Variants in SNX24 observed in about 807,000 individuals in gnomAD.
SNX24 encodes sorting nexin 24, also known as sorting nexin-24.
In SNX24, 22 loss-of-function variants were observed where a neutral mutation model predicts 28.7. That is an observed-to-expected ratio of 0.77 (90% CI 0.55 to 1.10). The LOEUF is 1.10. SNX24 is among the 50% of genes least tolerant of loss of function. The probability of loss-of-function intolerance (pLI) is 0.00; values close to 1 mark genes in which losing one functional copy is unlikely to be tolerated. For synonymous variants in SNX24, 69 were observed against 71.5 expected (o/e 0.96, Z 0.18); for missense variants, 221 against 201.1 (o/e 1.10, Z -0.60).
intron 1 of SNX24, among the ~76,000 whole-genome samples, chr5:122,850,596 C>T (rs1340714655): frequency 2.0e-5 from 3 of 152,018 alleles, no homozygotes; most frequent in Non-Finnish European, 2.9e-5. Flanking sequence ...ACCTGGTGAC[C>T]AGATGTACAG....
chr5:122,851,744 A>G (rs1754927087), intron 1 of SNX24, among the ~76,000 whole-genome samples: 1 of 152,134 alleles, frequency 6.6e-6, no homozygotes, highest in Non-Finnish European at 1.5e-5. Context: ...GAACAATTTA[A>G]TAAACTATCA....
At position 123,024,420 on chromosome 5, in the gene SNX24, T is replaced by C. The variant is rs570813207; in HGVS notation, n.384-4818T>C. Among the ~76,000 whole-genome samples the C allele has an allele frequency of 6.3e-4, 96 of 152,294 alleles. 2 individuals carry two copies. The highest frequency in any genetic ancestry group is 2.1e-4 in the Non-Finnish European group (14 of 68,036). Reference sequence around the variant, plus strand: ...CTCCATCCTGTAATAGGTCTTCACATGTATGGGCCAGAAAGCAGATTCAGA... The same window carrying C: ...CTCCATCCTGTAATAGGTCTTCACACGTATGGGCCAGAAAGCAGATTCAGA... On this transcript the variant is annotated intron_variant and non_coding_transcript_variant, in intron 5 of 5. Transcript: ENST00000502387.
intron 1 of SNX24, among the ~76,000 whole-genome samples, chr5:122,852,144 A>G (rs187105089): frequency 5.9e-4 from 88 of 150,276 alleles, no homozygotes; most frequent in Middle Eastern, 6.9e-3. Context: ...ATATGTATAT[A>G]TTTCTTTTTT....
At chr5:122,910,710 C>T (rs1054334448) in intron 1 of SNX24, among the ~76,000 whole-genome samples, 3 of 145,808 alleles carry the variant, frequency 2.1e-5, no homozygotes, top group Non-Finnish European at 4.5e-5. Context: ...TGAGTGAGAA[C>T]ATGTGGTGTT....
chr5:122,853,662 T>C (rs1254769139), intron 1 of SNX24: 2 of 375,420 alleles, frequency 5.3e-6, no homozygotes, highest in East Asian at 1.6e-4. Flanking sequence ...TTAAAAAATT[T>C]TTTTCGTACA....
chr5:122,917,816 T>C (rs543066863), intron 1 of SNX24, among the ~76,000 whole-genome samples: 4 of 152,220 alleles, frequency 2.6e-5, no homozygotes, highest in South Asian at 2.1e-4. Context: ...TGCGGTGGCT[T>C]ACACCTGTAA....
chr5:122,875,828 C>T (rs894854189), intron 1 of SNX24, among the ~76,000 whole-genome samples: 5 of 152,272 alleles, frequency 3.3e-5, no homozygotes, highest in East Asian at 1.9e-4. Flanking sequence ...TTGCTCTTAG[C>T]GCCCAGGCTG....
At chr5:122,948,318 A>G (rs907883320) in intron 3 of SNX24, among the ~76,000 whole-genome samples, 2 of 152,128 alleles carry the variant, frequency 1.3e-5, no homozygotes, top group Non-Finnish European at 1.5e-5. Context: ...GAATCCATTC[A>G]TGCTCAGGAC....
chr5:122,926,925 C>T (rs1758723794), intron 1 of SNX24, among the ~76,000 whole-genome samples: 1 of 152,126 alleles, frequency 6.6e-6, no homozygotes, highest in African/African-American at 2.4e-5. Flanking sequence ...ACCTTCTCTC[C>T]TGTAGAGATG....
chr5:122,887,665 A>G (rs932442989), intron 1 of SNX24, among the ~76,000 whole-genome samples: 2 of 152,036 alleles, frequency 1.3e-5, no homozygotes, highest in Non-Finnish European at 2.9e-5. Flanking sequence ...GCTTTGTCTA[A>G]TTGGTTGTTT....
chr5:123,013,168 A>C (rs1006462610), downstream of SNX24, among the ~76,000 whole-genome samples: 2 of 152,212 alleles, frequency 1.3e-5, no homozygotes, highest in Non-Finnish European at 2.9e-5. Flanking sequence ...ATAATTGGGA[A>C]GTTGTATATT....
chr5:122,918,713 G>A (rs1359491613), intron 1 of SNX24, among the ~76,000 whole-genome samples: 2 of 152,144 alleles, frequency 1.3e-5, no homozygotes, highest in Non-Finnish European at 2.9e-5. Flanking sequence ...CATATTTATT[G>A]ATGGAAAGAA....
At chr5:122,922,169 T>C (rs559855208) in intron 1 of SNX24, among the ~76,000 whole-genome samples, 141 of 152,320 alleles carry the variant, frequency 9.3e-4, no homozygotes, top group African/African-American at 3.3e-3. Flanking sequence ...AGAAATATAG[T>C]TGTAAATTTT....
chr5:122,997,518 C>T (rs191769493), intron 3 of SNX24, among the ~76,000 whole-genome samples: 153 of 152,268 alleles, frequency 1.0e-3, no homozygotes, highest in Non-Finnish European at 1.7e-3. Flanking sequence ...TGTCTTTTGT[C>T]ATTAATGATC....
chr5:122,905,374 A>T (rs1757605421), intron 1 of SNX24, among the ~76,000 whole-genome samples: 1 of 152,178 alleles, frequency 6.6e-6, no homozygotes, highest in Admixed American at 6.5e-5. Context: ...TTGGGTCTTC[A>T]CTGTATTGAT....
At chr5:122,957,079 G>T (rs1488665171) in intron 3 of SNX24, among the ~76,000 whole-genome samples, 5 of 152,074 alleles carry the variant, frequency 3.3e-5, no homozygotes, top group African/African-American at 9.7e-5. Context: ...TCATACCCAA[G>T]AAATCATTGC....
intron 2 of SNX24, among the ~76,000 whole-genome samples, chr5:122,941,250 T>C (rs1478416): frequency 0.024 from 3,719 of 152,292 alleles, 141 homozygotes; most frequent in African/African-American, 0.071. Context: ...AGCGAATACA[T>C]TCACAGATTC....
At chr5:123,025,807 ACAC>A (rs1762842804) in intron 5 of SNX24, 1 of 1,613,180 alleles carries the variant, frequency 6.2e-7, no homozygotes, top group African/African-American at 1.3e-5. Context: ...ACTTTTCCAA[ACAC>A]CACATGTTTG....
intron 1 of SNX24, among the ~76,000 whole-genome samples, chr5:122,870,625 C>T (rs565904057): frequency 2.4e-4 from 36 of 152,258 alleles, no homozygotes; most frequent in African/African-American, 7.7e-4. Context: ...GAATGACAAA[C>T]GCGTGTGCAT....
Sources: gnomAD v4.1 joint callset for allele counts (sites outside exome capture counted in the v4.1 genomes callset) on GRCh38, gnomAD v4.1.1 for gene constraint, MANE v1.5 for transcripts, NCBI Gene and HGNC (gene_info 2026-07-23, HGNC 2026-07-21) for gene names.